Variants in LUZP2 observed in about 807,000 individuals in gnomAD.
LUZP2 encodes leucine zipper protein 2.
In LUZP2, 52 loss-of-function variants were observed where a neutral mutation model predicts 51.6. The ratio of observed to expected loss-of-function variants is 1.01; its 90% CI spans 0.81 to 1.27. The LOEUF (loss-of-function observed/expected upper bound fraction) is 1.27. Among genes scored for constraint, LUZP2 ranks in the 50% most tolerant of loss-of-function variants. LUZP2 has a pLI of 0.00. For synonymous variants in LUZP2, 154 were observed against 137.3 expected (o/e 1.12, Z -0.85); for missense variants, 436 against 395.4 (o/e 1.10, Z -0.87).
At chr11:25,070,032 A>G (rs1859108633) in intron 10 of LUZP2, among the ~76,000 whole-genome samples, 1 of 151,874 alleles carries the variant, frequency 6.6e-6, no homozygotes, top group African/African-American at 2.4e-5. Context: ...TTGCATACCT[A>G]TGCAAACATC....
At chr11:24,860,127 C>T (rs1313143537) in intron 5 of LUZP2, among the ~76,000 whole-genome samples, 2 of 152,196 alleles carry the variant, frequency 1.3e-5, no homozygotes, top group Non-Finnish European at 2.9e-5. Context: ...GGCATAAAGG[C>T]CTAGTCCCAA....
At chr11:24,682,992 A>T (rs1324253235) in intron 1 of LUZP2, among the ~76,000 whole-genome samples, 1 of 152,106 alleles carries the variant, frequency 6.6e-6, no homozygotes, top group African/African-American at 2.4e-5. Context: ...GTCTCAAAGA[A>T]AAAAAAGAGA....
At chr11:24,614,075 C>G (rs148524736) in intron 1 of LUZP2, among the ~76,000 whole-genome samples, 2 of 151,858 alleles carry the variant, frequency 1.3e-5, no homozygotes, top group African/African-American at 4.8e-5. Flanking sequence ...TAGCACTTGT[C>G]GTATGATTGA....
At chr11:24,977,803 A>G (rs1855920030) in intron 8 of LUZP2, among the ~76,000 whole-genome samples, 1 of 151,578 alleles carries the variant, frequency 6.6e-6, no homozygotes, top group African/African-American at 2.4e-5. Flanking sequence ...GTATTTTATT[A>G]TCAAAATTTT....
chr11:24,500,461 G>T (rs946030872), intron 1 of LUZP2, among the ~76,000 whole-genome samples: 7 of 152,178 alleles, frequency 4.6e-5, no homozygotes, highest in Non-Finnish European at 7.4e-5. Flanking sequence ...AGATAGCCTT[G>T]TTGTATAGTA....
chr11:24,698,984 G>A (rs1243845991), intron 1 of LUZP2, among the ~76,000 whole-genome samples: 1 of 151,910 alleles, frequency 6.6e-6, no homozygotes, highest in East Asian at 1.9e-4. Context: ...ATTGAGCCTG[G>A]GAGGTCAGGC....
intron 1 of LUZP2, among the ~76,000 whole-genome samples, chr11:24,615,205 T>G (rs1854245639): frequency 6.6e-6 from 1 of 152,054 alleles, no homozygotes; most frequent in Non-Finnish European, 1.5e-5. Context: ...TTCATAAAAC[T>G]ATAGTATCAC....
intron 9 of LUZP2, among the ~76,000 whole-genome samples, chr11:24,986,897 G>C (rs977932971): frequency 6.6e-6 from 1 of 151,618 alleles, no homozygotes; most frequent in Admixed American, 6.6e-5. Context: ...TAATATGTTT[G>C]GTGTTTATAT....
intron 5 of LUZP2, among the ~76,000 whole-genome samples, chr11:24,848,772 C>G (rs2134216578): frequency 6.6e-6 from 1 of 152,182 alleles, no homozygotes; most frequent in East Asian, 1.9e-4. Flanking sequence ...TTTTATGAGA[C>G]TAGCATAATT....
At chr11:25,015,267 A>C (rs1282189630) in intron 9 of LUZP2, among the ~76,000 whole-genome samples, 1 of 152,190 alleles carries the variant, frequency 6.6e-6, no homozygotes, top group Non-Finnish European at 1.5e-5. Flanking sequence ...AAATGTTACG[A>C]TAGTACAGAG....
intron 5 of LUZP2, among the ~76,000 whole-genome samples, chr11:24,805,440 C>G (rs1015335643): frequency 6.6e-6 from 1 of 152,070 alleles, no homozygotes; most frequent in Non-Finnish European, 1.5e-5. Context: ...GTCTCAAACT[C>G]CTGACATCAA....
intron 1 of LUZP2, among the ~76,000 whole-genome samples, chr11:24,521,384 G>A (rs1448126817): frequency 1.3e-5 from 2 of 151,274 alleles, no homozygotes; most frequent in African/African-American, 4.9e-5. Flanking sequence ...GGGTGGGGTG[G>A]GGTAAGAAAA....
chr11:24,576,991 C>A (rs1852673952), intron 1 of LUZP2, among the ~76,000 whole-genome samples: 1 of 151,886 alleles, frequency 6.6e-6, no homozygotes, highest in Non-Finnish European at 1.5e-5. Context: ...AAGAAAAACA[C>A]CCTATAAGCA....
At chr11:24,673,704 T>C (rs1245454475) in intron 1 of LUZP2, among the ~76,000 whole-genome samples, 3 of 152,172 alleles carry the variant, frequency 2.0e-5, no homozygotes, top group African/African-American at 7.2e-5. Context: ...AGATATGACA[T>C]GTACACATGG....
At chr11:24,586,184 A>G (rs945653370) in intron 1 of LUZP2, among the ~76,000 whole-genome samples, 2 of 152,130 alleles carry the variant, frequency 1.3e-5, no homozygotes, top group African/African-American at 4.8e-5. Context: ...GCAAGTCAAC[A>G]GAAGCATGTA....
rs564736671 is a variant in LUZP2 at position 25,001,088 on chromosome 11, A to G, written c.765+17795A>G. On this transcript the variant is annotated intron_variant, in intron 9 of 11. Transcript: ENST00000336930. ...GATTTCCATAAGATTAGAAGTTAGG[A>G]TAATATATGTTTACACTGTTAACTT... Among the ~76,000 whole-genome samples the G allele has an allele frequency of 1.1e-4, 16 of 152,252 alleles. 1 individual carries two copies. In the South Asian group the frequency reaches 2.3e-3, roughly 22 times the overall value.
chr11:24,917,963 A>G (rs1853853081), intron 7 of LUZP2, among the ~76,000 whole-genome samples: 1 of 152,110 alleles, frequency 6.6e-6, no homozygotes, highest in African/African-American at 2.4e-5. Flanking sequence ...CTTCCTACCC[A>G]TGAGCATGGA....
At chr11:24,983,020 A>G (rs1288473130) in intron 8 of LUZP2, 106 bp from the exon 9 acceptor site, 2 of 1,006,078 alleles carry the variant, frequency 2.0e-6, no homozygotes, top group African/African-American at 1.6e-5. Context: ...TTGAAAAGTG[A>G]TATGTATTTT....
chr11:24,901,550 A>T lies in LUZP2; in HGVS notation c.397-4441A>T, dbSNP rs1252945311. On this transcript the variant is annotated intron_variant, in intron 5 of 11. Coordinates refer to ENST00000336930, the MANE Select transcript of LUZP2 (RefSeq NM_001009909.4). ...GGCACAGAAAGCATTATTCCCAAAA[A>T]CTTCTTGACCAAACTTTAGACAGAC... is the stretch of plus-strand genomic sequence containing the variant. Among the ~76,000 whole-genome samples the T allele has an allele frequency of 3.3e-5, 5 of 152,268 alleles. No homozygotes were observed. The East Asian group carries it at 7.7e-4, about 23-fold the overall frequency.
Sources: gnomAD v4.1 joint callset for allele counts (sites outside exome capture counted in the v4.1 genomes callset) on GRCh38, gnomAD v4.1.1 for gene constraint, MANE v1.5 for transcripts, NCBI Gene and HGNC (gene_info 2026-07-23, HGNC 2026-07-21) for gene names.